The following CUBN variants were observed in gnomAD, a reference collection of about 807,000 sequenced individuals.
The protein encoded by CUBN is cubilin, also known as 460 kDa receptor.
In CUBN, 282 loss-of-function variants were observed where a neutral mutation model predicts 405.3. The observed-to-expected ratio is 0.70, with a 90% confidence interval of 0.63 to 0.77. The LOEUF is 0.77. CUBN is among the 30% of genes least tolerant of loss of function. The pLI, the probability that CUBN is intolerant of heterozygous loss-of-function variation, is 0.00. For missense variants in CUBN, 4,514 were observed against 4,475.2 expected, an observed-to-expected ratio of 1.01 and a Z score of -0.25; for synonymous variants, 1,684 against 1,617.0, an observed-to-expected ratio of 1.04 and a Z score of -0.99.
intron 22 of CUBN, among the ~76,000 whole-genome samples, chr10:17,054,431 G>GA (rs201185072): frequency 0.023 from 3,430 of 151,234 alleles, 82 homozygotes; most frequent in Admixed American, 0.052. Context: ...AGAAACTAGA[G>GA]AAAAGCTAAC....
chr10:17,026,638 A>AG (rs1366685433), intron 27 of CUBN, among the ~76,000 whole-genome samples: 1 of 147,852 alleles, frequency 6.8e-6, no homozygotes, highest in East Asian at 1.9e-4. Context: ...TCTCAAAAAA[A>AG]AAAATAAATA....
At chr10:16,827,993 T>C (rs1343329122) in intron 66 of CUBN, among the ~76,000 whole-genome samples, 1 of 152,228 alleles carries the variant, frequency 6.6e-6, no homozygotes. Context: ...AGGGAAGATA[T>C]CAGAGCTTTA....
At chr10:16,827,988 A>G (rs1440895602) in intron 66 of CUBN, among the ~76,000 whole-genome samples, 1 of 152,238 alleles carries the variant, frequency 6.6e-6, no homozygotes, top group Non-Finnish European at 1.5e-5. Context: ...TTTTTAGGGA[A>G]GATATCAGAG....
intron 31 of CUBN, among the ~76,000 whole-genome samples, chr10:16,974,283 C>A (rs61841479): frequency 0.34 from 52,057 of 151,960 alleles, 9,427 homozygotes; most frequent in Non-Finnish European, 0.41. Flanking sequence ...TATATTAGAG[C>A]TAGATTTCTT....
chr10:16,909,274 A>G (rs1474281521), intron 48 of CUBN, among the ~76,000 whole-genome samples: 1 of 152,220 alleles, frequency 6.6e-6, no homozygotes, highest in Non-Finnish European at 1.5e-5. Flanking sequence ...TCACTGGACC[A>G]GAAGAAGAGT....
chr10:16,887,553 T>C (rs188365707), intron 56 of CUBN, among the ~76,000 whole-genome samples: 197 of 152,360 alleles, frequency 1.3e-3, no homozygotes, highest in Non-Finnish European at 2.2e-3. Flanking sequence ...CCAAGGCTAT[T>C]ATCAAAAGAC....
chr10:16,936,864 G>A (rs1329555855), intron 39 of CUBN, among the ~76,000 whole-genome samples: 3 of 152,010 alleles, frequency 2.0e-5, no homozygotes, highest in Non-Finnish European at 2.9e-5. Context: ...CTACAGACGC[G>A]CTCCACCACG....
At chr10:17,089,116 C>T (rs533430958) in intron 14 of CUBN, among the ~76,000 whole-genome samples, 11 of 152,192 alleles carry the variant, frequency 7.2e-5, no homozygotes, top group Middle Eastern at 3.4e-3. Flanking sequence ...GTAATACAGA[C>T]ATTAGAAATA....
In CUBN at chr10:17,124,727, C is replaced by T. The variant is rs1346584240; in HGVS notation, c.388-1038G>A. ...ACAGGTGTGAGCCACCGCGCCCAGCCAGAGAAAACTTCTTTAGAGGGAACA... is the reference window on the plus strand; with the variant it reads ...ACAGGTGTGAGCCACCGCGCCCAGCTAGAGAAAACTTCTTTAGAGGGAACA... On this transcript the variant is annotated intron_variant, in intron 4 of 66. Coordinates refer to ENST00000377833, the MANE Select transcript of CUBN (RefSeq NM_001081.4). 3.9e-5 allele frequency among the ~76,000 whole-genome samples: 6 copies of T among 152,048 alleles called. No individual in the cohort carries two copies. In the East Asian group the frequency reaches 9.7e-4, roughly 24 times the overall value.
At chr10:16,970,141 C>T (rs1843511737) in intron 31 of CUBN, among the ~76,000 whole-genome samples, 1 of 152,214 alleles carries the variant, frequency 6.6e-6, no homozygotes, top group Non-Finnish European at 1.5e-5. Flanking sequence ...ACATATTTGG[C>T]ACCGAAGGGG....
intron 39 of CUBN, among the ~76,000 whole-genome samples, chr10:16,934,142 G>A (rs1267526286): frequency 6.6e-6 from 1 of 152,122 alleles, no homozygotes; most frequent in African/African-American, 2.4e-5. Context: ...AAAGCTAGGA[G>A]GAGAGAGAGA....
intron 28 of CUBN, among the ~76,000 whole-genome samples, chr10:17,013,096 A>G (rs1269367626): frequency 6.6e-6 from 1 of 152,200 alleles, no homozygotes; most frequent in Non-Finnish European, 1.5e-5. Context: ...TCAATTATCT[A>G]TTATAGGTTT....
At chr10:16,930,784 G>A (rs974441387) in intron 40 of CUBN, among the ~76,000 whole-genome samples, 4 of 152,196 alleles carry the variant, frequency 2.6e-5, no homozygotes, top group African/African-American at 9.7e-5. Context: ...AAGGTTCACA[G>A]CCTCCATACG....
intron 59 of CUBN, among the ~76,000 whole-genome samples, chr10:16,857,662 G>C (rs1213617341): frequency 6.6e-6 from 1 of 152,182 alleles, no homozygotes; most frequent in African/African-American, 2.4e-5. Context: ...ACTAGGAATA[G>C]AGGAGAAATT....
In CUBN at chr10:17,114,109, G is replaced by A; in HGVS notation, c.801C>T (p.Cys267=). 3.7e-6 allele frequency: 6 copies of A among 1,613,570 alleles called. No individual in the cohort carries two copies. The South Asian group carries it at 4.4e-5, about 12-fold the overall frequency. ...TGGAGCAAGGCCCGGGCTGGAAGCT[G>A]CACTCGTCTCTGTCCAGCGTGCAGG... ...SPACTLDRDE[C]SFQPGPCSTL... The change falls in exon 8 of 67, where the codon TGC becomes TGT. Residue 267 remains cysteine (C), a synonymous_variant. Transcript: ENST00000377833.
Position 16,920,011 on chromosome 10 carries a change from C to T in CUBN, c.6773G>A (p.Arg2258His), listed in dbSNP as rs768591141. Residue 2258 changes from arginine (R) to histidine (H), a missense_variant, in exon 44 of 67, where the codon CGC (arginine) becomes CAC (histidine). Physicochemically the swap from Arg to His is conservative, Grantham distance 29. This residue lies in a region of CUBN where 1,613 missense variants were observed against 1,542.8 expected (regional missense o/e 1.05). Transcript: ENST00000377833. Reference protein sequence around the residue: ...IWILAAPPETRIQLQFEDRFD... With the variant: ...IWILAAPPETHIQLQFEDRFD... ...TCGATCTTCAAATTGCAGCTGTATG[C>T]GTGTTTCCGGTGGAGCCGCTAAGAT... 25 of 1,613,662 alleles carry T rather than the reference C, an allele frequency of 1.5e-5. No homozygotes were observed. The highest frequency in any genetic ancestry group is 1.8e-5 in the Non-Finnish European group (21 of 1,179,966).
At chr10:16,941,216 T>A (rs1055055464) in intron 36 of CUBN, among the ~76,000 whole-genome samples, 1 of 152,154 alleles carries the variant, frequency 6.6e-6, no homozygotes, top group Non-Finnish European at 1.5e-5. Flanking sequence ...AAATACACTG[T>A]CAATCCAATT....
chr10:16,848,096 A>G (rs1386181621), intron 60 of CUBN, among the ~76,000 whole-genome samples: 5 of 152,150 alleles, frequency 3.3e-5, no homozygotes, highest in African/African-American at 4.8e-5. Flanking sequence ...GAAAAAAACG[A>G]TATTTTATTT....
intron 27 of CUBN, among the ~76,000 whole-genome samples, chr10:17,022,055 A>G (rs984679393): frequency 2.6e-5 from 4 of 152,194 alleles, no homozygotes; most frequent in African/African-American, 9.7e-5. Context: ...CACTCTGTAC[A>G]GTTAGATAGG....
Sources: allele counts gnomAD v4.1 joint callset (sites outside exome capture counted in the v4.1 genomes callset), GRCh38; gene constraint gnomAD v4.1.1; regional missense constraint gnomAD v4.1.1; transcripts MANE v1.5; gene names NCBI Gene and HGNC (gene_info 2026-07-23, HGNC 2026-07-21).